The following MTUS2 variants were observed in gnomAD, a reference collection of about 807,000 sequenced individuals.
MTUS2 encodes the protein microtubule-associated tumor suppressor candidate 2.
A neutral mutation model predicts 114.1 loss-of-function variants in MTUS2; 40 were observed. That is an observed-to-expected ratio of 0.35 (90% CI 0.27 to 0.46). The LOEUF (loss-of-function observed/expected upper bound fraction) is 0.46, where lower values mean the gene tolerates loss of function less well. MTUS2 is among the 20% of genes least tolerant of loss of function. MTUS2 has a pLI of 1.00. For synonymous variants in MTUS2, 688 were observed against 672.0 expected, an observed-to-expected ratio of 1.02 and a Z score of -0.37; for missense variants, 1,679 against 1,705.4, an observed-to-expected ratio of 0.98 and a Z score of 0.27.
chr13:29,096,294 C>A (rs895749587), intron 4 of MTUS2, among the ~76,000 whole-genome samples: 3 of 152,224 alleles, frequency 2.0e-5, no homozygotes, highest in African/African-American at 4.8e-5. Flanking sequence ...ATCTGTGTTA[C>A]ATTGTCTTCC....
intron 5 of MTUS2, among the ~76,000 whole-genome samples, chr13:29,101,319 A>C (rs915025850): frequency 1.3e-5 from 2 of 152,034 alleles, no homozygotes; most frequent in African/African-American, 4.8e-5. Context: ...AACATACTAG[A>C]TATTTAATAT....
At chr13:29,265,610 C>T (rs2139480897) in intron 5 of MTUS2, among the ~76,000 whole-genome samples, 1 of 152,238 alleles carries the variant, frequency 6.6e-6, no homozygotes, top group East Asian at 1.9e-4. Flanking sequence ...GTTCTGCAGG[C>T]TTTACAGGAA....
At chr13:29,328,258 T>G (rs1005955068) in intron 7 of MTUS2, among the ~76,000 whole-genome samples, 1 of 152,282 alleles carries the variant, frequency 6.6e-6, no homozygotes, top group African/African-American at 2.4e-5. Context: ...AGGTACATTT[T>G]GAGTCAGTAT....
chr13:29,276,978 AT>A (rs1179332321), intron 5 of MTUS2, among the ~76,000 whole-genome samples: 1 of 152,206 alleles, frequency 6.6e-6, no homozygotes, highest in Admixed American at 6.5e-5. Flanking sequence ...TCAATGACAT[AT>A]GATTGTTTAC....
At chr13:29,268,258 T>G (rs1012013356) in intron 5 of MTUS2, among the ~76,000 whole-genome samples, 1 of 152,056 alleles carries the variant, frequency 6.6e-6, no homozygotes, top group Non-Finnish European at 1.5e-5. Context: ...TTTTGTGAAA[T>G]AGAAAAGAGA....
rs532339554 is a variant in MTUS2, at chr13:29,336,527, AG to A, written c.2905+11819del. Among the ~76,000 whole-genome samples the A allele has an allele frequency of 2.6e-3, 397 of 152,226 alleles. 2 individuals carry two copies. Among genetic ancestry groups the A allele is most frequent in the African/African-American group, 8.4e-3 (347 of 41,536 alleles). The stretch of plus-strand genomic sequence containing the variant: ...CTTCCTCTGGAAGCTTTGTCCCGAA[AG>A]GGCACCCGCCGGACGCCAGCTGGAG... On this transcript the variant is annotated intron_variant, in intron 7 of 15. Coordinates refer to ENST00000612955, the MANE Select transcript of MTUS2 (RefSeq NM_001033602.4).
At chr13:28,974,578 C>T (rs181232114) in intron 2 of MTUS2, among the ~76,000 whole-genome samples, 1 of 152,318 alleles carries the variant, frequency 6.6e-6, no homozygotes, top group Admixed American at 6.5e-5. Flanking sequence ...TTTGTCTTTG[C>T]TCCTCAGCAC....
intron 1 of MTUS2, among the ~76,000 whole-genome samples, chr13:28,837,820 A>G (rs17561728): frequency 0.064 from 9,772 of 152,182 alleles, 429 homozygotes; most frequent in Admixed American, 0.11. Context: ...TTTACCTTCA[A>G]CCCTGTAGTG....
chr13:28,929,255 C>T (rs1180898114), intron 2 of MTUS2, among the ~76,000 whole-genome samples: 1 of 152,008 alleles, frequency 6.6e-6, no homozygotes, highest in Non-Finnish European at 1.5e-5. Flanking sequence ...TTTGATAGGC[C>T]AGTAGGGTGA....
chr13:28,951,311 T>C (rs903367718), intron 2 of MTUS2, among the ~76,000 whole-genome samples: 1 of 152,234 alleles, frequency 6.6e-6, no homozygotes, highest in East Asian at 1.9e-4. Flanking sequence ...CTTAGTAATA[T>C]TAAGTTTTCC....
In MTUS2 at chr13:29,398,500, A is replaced by G. The variant is rs533021802; in HGVS notation, c.3117+39027A>G. 1.8e-4 allele frequency among the ~76,000 whole-genome samples: 27 copies of G among 151,806 alleles called. 1 individual carries two copies. The East Asian group carries it at 4.6e-3, about 26-fold the overall frequency. ...AAAAAAGAAAGAAAAAGAAAAAAAA[A>G]AAGAGCGAAAAATTAAGAGTTTCCC... On this transcript the variant is annotated intron_variant, in intron 8 of 15. Transcript: ENST00000612955.
intron 5 of MTUS2, among the ~76,000 whole-genome samples, chr13:29,153,758 C>A (rs1032258175): frequency 6.6e-6 from 1 of 152,208 alleles, no homozygotes; most frequent in Non-Finnish European, 1.5e-5. Flanking sequence ...TCTTTATTTT[C>A]CTCTTTTATT....
At chr13:29,341,921 TTA>T (rs1004997562) in intron 7 of MTUS2, among the ~76,000 whole-genome samples, 11 of 152,210 alleles carry the variant, frequency 7.2e-5, no homozygotes, top group Non-Finnish European at 1.6e-4. Context: ...TTTCTCCACT[TTA>T]TGTTTTTGTT....
intron 6 of MTUS2, among the ~76,000 whole-genome samples, chr13:29,304,283 A>G (rs572644744): frequency 2.7e-4 from 41 of 152,228 alleles, no homozygotes; most frequent in Non-Finnish European, 4.4e-4. Flanking sequence ...AAATTTACAC[A>G]TAACAATACC....
At chr13:29,049,309 A>G (rs1008547850) in intron 4 of MTUS2, among the ~76,000 whole-genome samples, 2 of 152,206 alleles carry the variant, frequency 1.3e-5, no homozygotes, top group African/African-American at 2.4e-5. Context: ...ATGCTGGAGT[A>G]CTAGTGCCAG....
chr13:29,035,623 C>T (rs760870159), intron 4 of MTUS2, among the ~76,000 whole-genome samples: 6 of 152,160 alleles, frequency 3.9e-5, no homozygotes, highest in Non-Finnish European at 7.3e-5. Context: ...CATTTTTCTT[C>T]ATGTTGTCCT....
intron 5 of MTUS2, among the ~76,000 whole-genome samples, chr13:29,153,668 T>C (rs1892748376): frequency 6.6e-6 from 1 of 152,196 alleles, no homozygotes; most frequent in Non-Finnish European, 1.5e-5. Flanking sequence ...GTTCTCCCCT[T>C]GGCTCTTGCT....
At position 29,497,265 on chromosome 13, in the gene MTUS2, A is replaced by G; in HGVS notation, c.3607A>G (p.Ser1203Gly). 1 of 1,612,206 alleles carries G rather than the reference A, an allele frequency of 6.2e-7. No homozygotes were observed. Residue 1203 changes from serine to glycine, a missense_variant, in exon 13 of 16, where the codon AGC becomes GGC. Physicochemically the swap from Ser to Gly is moderately conservative, Grantham distance 56 (BLOSUM62 0). Coordinates refer to ENST00000612955, the MANE Select transcript of MTUS2 (RefSeq NM_001033602.4). ...QDQVDTLTFQ[S>G]QSLRDRARRF... ...CCAGGTGGACACGCTGACCTTCCAG[A>G]GCCAGTCTCTGCGGGACAGAGCCCG...
At chr13:29,046,974 TACAGAG>T (rs1383218311) in intron 4 of MTUS2, among the ~76,000 whole-genome samples, 3 of 152,128 alleles carry the variant, frequency 2.0e-5, no homozygotes, top group Non-Finnish European at 4.4e-5. Flanking sequence ...GGGGAAAGGG[TACAGAG>T]GCAGGACTTG....
Sources: gnomAD v4.1 joint callset for allele counts (sites outside exome capture counted in the v4.1 genomes callset) on GRCh38, gnomAD v4.1.1 for gene constraint, MANE v1.5 for transcripts, NCBI Gene and HGNC (gene_info 2026-07-23, HGNC 2026-07-21) for gene names.